The following AHDC1 variants were observed in gnomAD, a reference collection of about 807,000 sequenced individuals.
AHDC1 encodes the protein AT-hook DNA binding motif containing 1, also known as transcription factor Gibbin.
Under a neutral mutation model 87.9 loss-of-function variants are expected in AHDC1, and 7 were observed. The ratio of observed to expected loss-of-function variants is 0.08; its 90% CI spans 0.05 to 0.15. The LOEUF is 0.15. AHDC1 is among the 10% of genes least tolerant of loss of function. The probability of loss-of-function intolerance (pLI) is 1.00; values close to 1 mark genes in which losing one functional copy is unlikely to be tolerated. For synonymous variants in AHDC1, 1,051 were observed against 1,006.8 expected, an observed-to-expected ratio of 1.04 and a Z score of -0.83; for missense variants, 1,841 against 2,253.2, an observed-to-expected ratio of 0.82 and a Z score of 3.70.
At chr1:27,545,434 G>C (rs1342706981) in intron 8 of AHDC1, among the ~76,000 whole-genome samples, 1 of 152,058 alleles carries the variant, frequency 6.6e-6, no homozygotes, top group Non-Finnish European at 1.5e-5. Context: ...CCTGCGTTCA[G>C]GCCTCACTGG....
Position 27,563,077 on chromosome 1 carries a change from C to T in AHDC1, c.-628-4194G>A, listed in dbSNP as rs2020166947. ...ACGCAACCAGGCACCCCCACACCCA[C>T]TAATGCACAGAGAACCTGTTACACA... On this transcript the variant is annotated intron_variant, in intron 3 of 8. Transcript: ENST00000673934. This position sits in a 1 kb window ranked among gnomAD's most constrained non-coding sequence, Gnocchi z 6.1. Among the ~76,000 whole-genome samples the T allele has an allele frequency of 6.6e-6, 1 of 152,164 alleles. No individual in the cohort carries two copies. The highest frequency in any genetic ancestry group is 1.5e-5 in the Non-Finnish European group (1 of 68,032).
intron 5 of AHDC1, among the ~76,000 whole-genome samples, chr1:27,557,006 G>T (rs2019847942): frequency 1.2e-5 from 1 of 86,686 alleles, no homozygotes; most frequent in Non-Finnish European, 2.2e-5. Flanking sequence ...GCACAGCACA[G>T]CAGTGCACAC....
Position 27,595,220 on chromosome 1 carries a change from G to A in AHDC1, c.-629+8177C>T, listed in dbSNP as rs1229098301. On this transcript the variant is annotated intron_variant, in intron 3 of 8. Coordinates refer to ENST00000673934, the MANE Select transcript of AHDC1 (RefSeq NM_001371928.1). This position sits in a 1 kb window ranked among gnomAD's most constrained non-coding sequence, Gnocchi z 4.0. The stretch of plus-strand genomic sequence containing the variant: ...CAGTGAGTGTATGTGTGTTGTAGGG[G>A]GAGGCTGTATGTTTGGAAAGGTATA... Among the ~76,000 whole-genome samples, 1 of 152,066 alleles carries A rather than the reference G, an allele frequency of 6.6e-6. No homozygotes were observed. Among genetic ancestry groups the A allele is most frequent in the East Asian group, 1.9e-4 (1 of 5,190 alleles).
At chr1:27,544,728 G>T (rs1416004428) in intron 8 of AHDC1, among the ~76,000 whole-genome samples, 1 of 152,158 alleles carries the variant, frequency 6.6e-6, no homozygotes, top group Non-Finnish European at 1.5e-5. Flanking sequence ...GAGCCTGTGG[G>T]TCATCTTAGA....
rs2020056971 is a variant in AHDC1 at position 27,561,043 on chromosome 1, A to T, written c.-628-2160T>A. Among the ~76,000 whole-genome samples, 1 of 152,082 alleles carries T rather than the reference A, an allele frequency of 6.6e-6. No individual in the cohort carries two copies. ...AATTTATCCACAGGCAGAGAAGGAGAATTCCAACCTGCCAGAGCCTCCCTC... is the reference window on the plus strand; with the variant it reads ...AATTTATCCACAGGCAGAGAAGGAGTATTCCAACCTGCCAGAGCCTCCCTC... On this transcript the variant is annotated intron_variant, in intron 3 of 8. Coordinates refer to ENST00000673934, the MANE Select transcript of AHDC1 (RefSeq NM_001371928.1). The surrounding 1 kb of genome is among the most constrained non-coding windows in gnomAD (Gnocchi z 4.2).
chr1:27,576,130 G>C (rs1473458063), intron 3 of AHDC1, among the ~76,000 whole-genome samples: 1 of 152,232 alleles, frequency 6.6e-6, no homozygotes, highest in South Asian at 2.1e-4. Flanking sequence ...CGCTCCCTCC[G>C]CAGCGGCGGA....
Position 27,593,216 on chromosome 1 carries a change from TC to T in AHDC1, c.-629+10180del, listed in dbSNP as rs2089275755. Among the ~76,000 whole-genome samples, 1 of 151,248 alleles carries T rather than the reference TC, an allele frequency of 6.6e-6. No homozygotes were observed. Among genetic ancestry groups the T allele is most frequent in the Non-Finnish European group, 1.5e-5 (1 of 67,754 alleles). On this transcript the variant is annotated intron_variant, in intron 3 of 8. Coordinates refer to ENST00000673934, the MANE Select transcript of AHDC1 (RefSeq NM_001371928.1). The surrounding 1 kb of genome is among the most constrained non-coding windows in gnomAD (Gnocchi z 4.9). ...AGGTGGGGAAGGGGGAGCAGCTCCG[TC>T]CCTCCCCTCCCCCTCCACTCCTCCA...
chr1:27,582,636 T>C lies in AHDC1; in HGVS notation c.-629+20761A>G, dbSNP rs115857577. On this transcript the variant is annotated intron_variant, in intron 3 of 8. Transcript: ENST00000673934. ...TGTGTCTGTTTTGTTCACTGCTGTGTGTCCTAGAAAAGTGCCTGACATCAA... is the reference window on the plus strand; with the variant it reads ...TGTGTCTGTTTTGTTCACTGCTGTGCGTCCTAGAAAAGTGCCTGACATCAA... 4.5e-3 allele frequency among the ~76,000 whole-genome samples: 693 copies of C among 152,366 alleles called. 5 individuals carry two copies. Among genetic ancestry groups the C allele is most frequent in the African/African-American group, 0.016 (666 of 41,586 alleles).
chr1:27,599,800 G>C (rs544080847), intron 3 of AHDC1, among the ~76,000 whole-genome samples: 2 of 152,192 alleles, frequency 1.3e-5, no homozygotes, highest in Admixed American at 6.5e-5. Context: ...CAGGCATTTG[G>C]GGAGGGCAGA....
intron 3 of AHDC1, among the ~76,000 whole-genome samples, chr1:27,591,483 C>A (rs927281804): frequency 9.8e-5 from 15 of 152,332 alleles, no homozygotes; most frequent in Non-Finnish European, 1.8e-4. Flanking sequence ...GGCTCACCCC[C>A]CTTAGCATTA....
In AHDC1 at chr1:27,562,136, A is replaced by G. The variant is rs1357895993; in HGVS notation, c.-628-3253T>C. On this transcript the variant is annotated intron_variant, in intron 3 of 8. Coordinates refer to ENST00000673934, the MANE Select transcript of AHDC1 (RefSeq NM_001371928.1). The surrounding 1 kb of genome is among the most constrained non-coding windows in gnomAD (Gnocchi z 4.4). ...CAGGGTGGGCCGGGGAGAAGGGCCG[A>G]GGGGAGGCCTGTGTGGGCAGTAGAC... 6.6e-6 allele frequency among the ~76,000 whole-genome samples: 1 copy of G among 151,910 alleles called. No individual in the cohort carries two copies. Among genetic ancestry groups the G allele is most frequent in the Non-Finnish European group, 1.5e-5 (1 of 67,952 alleles).
At position 27,551,077 on chromosome 1, in the gene AHDC1, G is replaced by A. The variant is rs770680294; in HGVS notation, c.1039C>T (p.Arg347Cys). ...LPKLLDVPGR[R>C]LEPQQPLGHC... Reference sequence around the variant, plus strand: ...CCCAGGGGCTGCTGGGGCTCCAGACGGCGACCTGGGACGTCAAGCAGCTTG... The same window carrying A: ...CCCAGGGGCTGCTGGGGCTCCAGACAGCGACCTGGGACGTCAAGCAGCTTG... The change falls in exon 8 of 9, where the codon CGT becomes TGT. Residue 347 changes from arginine (R) to cysteine (C), a missense_variant. Transcript: ENST00000673934. The A allele has an allele frequency of 2.1e-5, 33 of 1,560,852 alleles. No individual in the cohort carries two copies. The highest frequency in any genetic ancestry group is 2.6e-5 in the Non-Finnish European group (30 of 1,153,938).
chr1:27,573,913 G>C (rs540939342), intron 3 of AHDC1, among the ~76,000 whole-genome samples: 1 of 152,332 alleles, frequency 6.6e-6, no homozygotes, highest in African/African-American at 2.4e-5. Context: ...AACAAATGGG[G>C]CCTTGAGCTC....
rs1336520416 is a variant in AHDC1, at chr1:27,565,634, G to T, written c.-628-6751C>A. Among the ~76,000 whole-genome samples the T allele has an allele frequency of 1.3e-5, 2 of 152,156 alleles. No homozygotes were observed. Among genetic ancestry groups the T allele is most frequent in the Non-Finnish European group, 2.9e-5 (2 of 68,016 alleles). The stretch of plus-strand genomic sequence containing the variant: ...CCTCATAACTTTGAGTTTGTTCCAG[G>T]AACTCAAAGCACTTTAAAGAAGTCA... On this transcript the variant is annotated intron_variant, in intron 3 of 8. Coordinates refer to ENST00000673934, the MANE Select transcript of AHDC1 (RefSeq NM_001371928.1). The surrounding 1 kb of genome is among the most constrained non-coding windows in gnomAD (Gnocchi z 4.6).
chr1:27,570,175 G>A (rs1237949459), intron 3 of AHDC1, among the ~76,000 whole-genome samples: 4 of 152,054 alleles, frequency 2.6e-5, no homozygotes, highest in Admixed American at 6.5e-5. Flanking sequence ...GAGCTTTACA[G>A]AATGCTCCTC....
chr1:27,554,701 C>T (rs2019741767), intron 5 of AHDC1, among the ~76,000 whole-genome samples: 1 of 152,216 alleles, frequency 6.6e-6, no homozygotes, highest in South Asian at 2.1e-4. Flanking sequence ...TGACCTAGTA[C>T]TGGATCCCTG....
chr1:27,571,503 C>T (rs1222845156), intron 3 of AHDC1, among the ~76,000 whole-genome samples: 1 of 151,978 alleles, frequency 6.6e-6, no homozygotes, highest in Non-Finnish European at 1.5e-5. Context: ...CCTGGAGGCC[C>T]CCTCGGCCCA....
rs1034429336 is a variant in AHDC1, at chr1:27,598,814, C to G, written c.-629+4583G>C. Among the ~76,000 whole-genome samples the G allele has an allele frequency of 8.5e-5, 13 of 152,260 alleles. No homozygotes were observed. Among genetic ancestry groups the G allele is most frequent in the African/African-American group, 3.1e-4 (13 of 41,538 alleles). ...TCCCAGTGCTCACCGCCTGCCCAAG[C>G]CCCCCAACACCAGCATCCACCGTCA... On this transcript the variant is annotated intron_variant, in intron 3 of 8. Coordinates refer to ENST00000673934, the MANE Select transcript of AHDC1 (RefSeq NM_001371928.1). The surrounding 1 kb of genome is among the most constrained non-coding windows in gnomAD (Gnocchi z 4.2).
At chr1:27,571,712 C>T (rs1285628009) in intron 3 of AHDC1, among the ~76,000 whole-genome samples, 1 of 152,084 alleles carries the variant, frequency 6.6e-6, no homozygotes, top group East Asian at 1.9e-4. Flanking sequence ...CTGGGGCTGG[C>T]CCCCAGCCCC....
Sources: gnomAD v4.1 joint callset for allele counts (sites outside exome capture counted in the v4.1 genomes callset) on GRCh38, gnomAD v4.1.1 for gene constraint, Gnocchi (gnomAD v3.1) non-coding constraint, MANE v1.5 for transcripts, NCBI Gene and HGNC (gene_info 2026-07-23, HGNC 2026-07-21) for gene names.